Variants in HYDIN observed in about 807,000 individuals in gnomAD.
The protein encoded by HYDIN is HYDIN axonemal central pair apparatus protein, also known as axonemal central pair apparatus protein HYDIN.
Under a neutral mutation model 403.9 loss-of-function variants are expected in HYDIN, and 132 were observed. The observed-to-expected ratio is 0.33, with a 90% CI of 0.28 to 0.38. The LOEUF (loss-of-function observed/expected upper bound fraction) is 0.38, where lower values mean the gene tolerates loss of function less well. Among genes scored for constraint, HYDIN ranks in the 10% least tolerant of loss-of-function variants. The probability of loss-of-function intolerance (pLI) is 1.00; values close to 1 mark genes in which losing one functional copy is unlikely to be tolerated. For synonymous variants in HYDIN, 1,202 were observed against 1,891.7 expected (o/e 0.64, Z 9.46); for missense variants, 2,827 against 5,009.5 (o/e 0.56, Z 13.15).
At chr16:71,110,974 C>T (rs1192878070) in intron 10 of HYDIN, among the ~76,000 whole-genome samples, 3 of 75,784 alleles carry the variant, frequency 4.0e-5, no homozygotes, top group African/African-American at 1.6e-4. Flanking sequence ...CTACCATCAA[C>T]GTGAAAGCCA....
chr16:71,197,993 C>T (rs146774509), intron 1 of HYDIN, among the ~76,000 whole-genome samples: 1 of 152,268 alleles, frequency 6.6e-6, no homozygotes, highest in East Asian at 1.9e-4. Context: ...GTGATCTGCC[C>T]GCCTCAGTCT....
chr16:70,818,669 T>C (rs1241006033), intron 83 of HYDIN, 97 bp from the exon 84 acceptor site: 3 of 612,780 alleles, frequency 4.9e-6, no homozygotes, highest in Non-Finnish European at 8.8e-6. Flanking sequence ...TTTTTAGCAT[T>C]GTTTGGCACA....
intron 7 of HYDIN, among the ~76,000 whole-genome samples, chr16:71,139,287 A>G (rs2085073789): frequency 2.0e-5 from 3 of 152,088 alleles, no homozygotes; most frequent in African/African-American, 4.8e-5. Flanking sequence ...GGGGGGGGAA[A>G]GGTACTTGCA....
chr16:71,127,272 AT>A (rs1448871265), intron 9 of HYDIN, among the ~76,000 whole-genome samples: 1 of 148,180 alleles, frequency 6.7e-6, no homozygotes, highest in African/African-American at 2.5e-5. Flanking sequence ...GATAGATTCC[AT>A]AAAGACCATT....
At chr16:71,215,393 GATGA>G (rs749547056) in intron 1 of HYDIN, among the ~76,000 whole-genome samples, 5 of 152,246 alleles carry the variant, frequency 3.3e-5, no homozygotes, top group Non-Finnish European at 7.4e-5. Context: ...AATTCTAGCT[GATGA>G]ATGAATGTAC....
intron 30 of HYDIN, among the ~76,000 whole-genome samples, chr16:70,976,071 T>C (rs1158374755): frequency 6.6e-6 from 1 of 150,930 alleles, no homozygotes. Flanking sequence ...AAAGACAAGT[T>C]TGTTTTTCCT....
chr16:70,999,885 G>T (rs996191784), intron 23 of HYDIN, among the ~76,000 whole-genome samples: 1 of 152,168 alleles, frequency 6.6e-6, no homozygotes, highest in Non-Finnish European at 1.5e-5. Context: ...CTACCTCGAA[G>T]CTCTCTAGTC....
chr16:71,172,199 T>G (rs1273922069), intron 5 of HYDIN, among the ~76,000 whole-genome samples: 1 of 152,228 alleles, frequency 6.6e-6, no homozygotes, highest in East Asian at 1.9e-4. Flanking sequence ...GACAACAAAT[T>G]AGACATTTTC....
At chr16:70,980,811 G>GGCT in intron 29 of HYDIN, among the ~76,000 whole-genome samples, 1 of 152,132 alleles carries the variant, frequency 6.6e-6, no homozygotes, top group Non-Finnish European at 1.5e-5. Context: ...TGGCTAAAAG[G>GGCT]GCTGCTCAGC....
intron 47 of HYDIN, among the ~76,000 whole-genome samples, chr16:70,915,998 C>G (rs2076828607): frequency 6.6e-6 from 1 of 152,264 alleles, no homozygotes; most frequent in Non-Finnish European, 1.5e-5. Context: ...ACCATGCCCC[C>G]ACCAACAGCA....
chr16:71,027,588 T>C lies in HYDIN; in HGVS notation c.3042+14A>G, dbSNP rs752941631. On this transcript the variant is annotated intron_variant, in intron 20 of 85. Transcript: ENST00000393567. ...AGGAAAAAACAATAGCTTCCAAATG[T>C]GCTATCCCCTTACCCTGGGAGTAGC... The C allele has an allele frequency of 1.2e-6, 2 of 1,614,146 alleles. No homozygotes were observed. Among genetic ancestry groups the C allele is most frequent in the Non-Finnish European group, 1.7e-6 (2 of 1,180,018 alleles).
chr16:71,135,195 A>G (rs1281300631), intron 8 of HYDIN, among the ~76,000 whole-genome samples: 10 of 152,084 alleles, frequency 6.6e-5, no homozygotes, highest in Non-Finnish European at 1.3e-4. Flanking sequence ...AGTTGCCAGA[A>G]GAAATAATAG....
intron 83 of HYDIN, among the ~76,000 whole-genome samples, chr16:70,825,750 T>C (rs1450125368): frequency 3.3e-5 from 5 of 151,802 alleles, no homozygotes; most frequent in African/African-American, 1.2e-4. Flanking sequence ...CGACTTTCTG[T>C]TTCTGTAGAT....
intron 6 of HYDIN, among the ~76,000 whole-genome samples, chr16:71,154,342 C>T (rs1207119238): frequency 1.4e-5 from 2 of 141,938 alleles, no homozygotes; most frequent in African/African-American, 5.3e-5. Flanking sequence ...TACAGGCATG[C>T]ACTGTGAAGT....
At chr16:71,036,875 G>A (rs913205925) in intron 18 of HYDIN, among the ~76,000 whole-genome samples, 1 of 152,038 alleles carries the variant, frequency 6.6e-6, no homozygotes, top group South Asian at 2.1e-4. Context: ...TTTTAGGGAG[G>A]GCTTGGTCAT....
At position 70,836,794 on chromosome 16, in the gene HYDIN, C is replaced by T. The variant is rs144252636; in HGVS notation, c.13242+896G>A. On this transcript the variant is annotated intron_variant, in intron 77 of 85. Coordinates refer to ENST00000393567, the MANE Select transcript of HYDIN (RefSeq NM_001270974.2). ...TCATGAGCTCTTGGATGTCTGAGAA[C>T]ATGTGTAAGTCACTTGTGCATCTTC... is the stretch of plus-strand genomic sequence containing the variant. 5.3e-4 allele frequency among the ~76,000 whole-genome samples: 80 copies of T among 152,310 alleles called. No homozygotes were observed. In the East Asian group the frequency reaches 0.012, roughly 23 times the overall value.
chr16:70,923,455 T>C (rs1597331941), intron 45 of HYDIN, among the ~76,000 whole-genome samples: 2 of 87,272 alleles, frequency 2.3e-5, no homozygotes, highest in East Asian at 3.0e-4. Flanking sequence ...GCAACAAGAG[T>C]GAAACTCCAT....
intron 23 of HYDIN, among the ~76,000 whole-genome samples, chr16:71,008,573 T>A (rs2144093164): frequency 6.6e-6 from 1 of 152,114 alleles, no homozygotes; most frequent in East Asian, 1.9e-4. Context: ...ACATATTCTT[T>A]GTGGTCTGGA....
At chr16:71,197,916 T>G (rs543937097) in intron 1 of HYDIN, among the ~76,000 whole-genome samples, 1 of 152,264 alleles carries the variant, frequency 6.6e-6, no homozygotes, top group East Asian at 1.9e-4. Flanking sequence ...CCTAGCTAAT[T>G]TTTGTATTTT....
Sources: gnomAD v4.1 joint callset for allele counts (sites outside exome capture counted in the v4.1 genomes callset) on GRCh38, gnomAD v4.1.1 for gene constraint, MANE v1.5 for transcripts, NCBI Gene and HGNC (gene_info 2026-07-23, HGNC 2026-07-21) for gene names.